The following BCAS3 variants were observed in gnomAD, a reference collection of about 807,000 sequenced individuals.
The protein encoded by BCAS3 is BCAS3 microtubule associated cell migration factor.
BCAS3 carries 53 observed loss-of-function variants against 116.1 expected under a neutral mutation model. The observed-to-expected ratio is 0.46, with a 90% confidence interval of 0.37 to 0.57. BCAS3 has a LOEUF of 0.57. BCAS3 is among the 20% of genes least tolerant of loss of function. The probability of loss-of-function intolerance (pLI) is 0.00; values close to 1 mark genes in which losing one functional copy is unlikely to be tolerated. For synonymous variants in BCAS3, 391 were observed against 408.2 expected, an observed-to-expected ratio of 0.96 and a Z score of 0.51; for missense variants, 917 against 1,165.4, an observed-to-expected ratio of 0.79 and a Z score of 3.10.
intron 7 of BCAS3, among the ~76,000 whole-genome samples, chr17:60,836,884 C>G (rs1222669963): frequency 6.6e-6 from 1 of 152,160 alleles, no homozygotes; most frequent in Non-Finnish European, 1.5e-5. Context: ...ATATGTTTCA[C>G]TTGCACCTCA....
chr17:60,710,142 A>G (rs2037673921), intron 5 of BCAS3, among the ~76,000 whole-genome samples: 1 of 152,020 alleles, frequency 6.6e-6, no homozygotes, highest in Non-Finnish European at 1.5e-5. Context: ...CTGTTGTGTG[A>G]TTCTTTTGCA....
chr17:61,005,797 TTTTTC>T (rs2064644615), intron 15 of BCAS3, among the ~76,000 whole-genome samples: 1 of 151,814 alleles, frequency 6.6e-6, no homozygotes, highest in African/African-American at 2.4e-5. Flanking sequence ...TTTTCTTTTT[TTTTTC>T]TTTTATTATT....
chr17:60,764,273 T>C (rs570053466), intron 6 of BCAS3, among the ~76,000 whole-genome samples: 1 of 152,268 alleles, frequency 6.6e-6, no homozygotes, highest in East Asian at 1.9e-4. Context: ...CTCTAGTTCT[T>C]TTAATTGTGA....
chr17:61,382,551 C>T (rs967062409), intron 23 of BCAS3, among the ~76,000 whole-genome samples: 9 of 151,722 alleles, frequency 5.9e-5, no homozygotes, highest in South Asian at 2.1e-4. Flanking sequence ...CGTGAGCCAC[C>T]GCGCCTGGCC....
At chr17:61,040,761 A>T in intron 18 of BCAS3, 31 bp from the exon 19 acceptor site, 2 of 1,548,696 alleles carry the variant, frequency 1.3e-6, no homozygotes, top group Non-Finnish European at 1.8e-6. Flanking sequence ...TATTAAGCTT[A>T]AATATTAATA....
At chr17:60,738,523 C>T (rs907036217) in intron 5 of BCAS3, among the ~76,000 whole-genome samples, 1 of 152,122 alleles carries the variant, frequency 6.6e-6, no homozygotes, top group African/African-American at 2.4e-5. Flanking sequence ...GCTGTGGTTG[C>T]CTTCTTTTGA....
chr17:60,758,987 T>C (rs1423952547), intron 6 of BCAS3, among the ~76,000 whole-genome samples: 1 of 152,104 alleles, frequency 6.6e-6, no homozygotes, highest in Admixed American at 6.6e-5. Flanking sequence ...GAAGATTTTT[T>C]TTTTTTTTTT....
At chr17:61,050,365 G>A (rs1641410866) in intron 19 of BCAS3, among the ~76,000 whole-genome samples, 1 of 151,858 alleles carries the variant, frequency 6.6e-6, no homozygotes, top group Non-Finnish European at 1.5e-5. Context: ...AGAAAAAAAT[G>A]GCATATTGTT....
intron 22 of BCAS3, among the ~76,000 whole-genome samples, chr17:61,271,424 A>ATTTTTTTTTTTTTTTTCTTTTTTT (rs71148400): frequency 1.4e-5 from 1 of 70,226 alleles, no homozygotes; most frequent in African/African-American, 5.6e-5. Context: ...CCATGCCCGG[A>ATTTTTTTTTTTTTTTTCTTTTTTT]TTTTTTTTTT....
chr17:60,818,746 G>C (rs1402236168), intron 7 of BCAS3, among the ~76,000 whole-genome samples: 1 of 152,124 alleles, frequency 6.6e-6, no homozygotes, highest in African/African-American at 2.4e-5. Flanking sequence ...CAGGCTTTCT[G>C]TGGGTACCTG....
chr17:60,823,744 C>T (rs919652238), intron 7 of BCAS3, among the ~76,000 whole-genome samples: 1 of 152,106 alleles, frequency 6.6e-6, no homozygotes, highest in African/African-American at 2.4e-5. Context: ...GTATGTAATA[C>T]ACTACATGGA....
chr17:61,199,874 C>G lies in BCAS3; in HGVS notation c.2425+115310C>G, dbSNP rs549271995. Reference sequence around the variant, plus strand: ...CTAGACATCCACCTTACTGCAGGGCCCTAGGGTCATAACCTCTTAACCTTA... The same window carrying G: ...CTAGACATCCACCTTACTGCAGGGCGCTAGGGTCATAACCTCTTAACCTTA... On this transcript the variant is annotated intron_variant, in intron 22 of 23. Coordinates refer to ENST00000407086, the MANE Select transcript of BCAS3 (RefSeq NM_017679.5). This position sits in a 1 kb window ranked among gnomAD's most constrained non-coding sequence, Gnocchi z 4.6. Among the ~76,000 whole-genome samples the G allele has an allele frequency of 9.2e-5, 14 of 152,182 alleles. No individual in the cohort carries two copies. The highest frequency in any genetic ancestry group is 3.4e-4 in the African/African-American group (14 of 41,506).
At chr17:61,115,679 G>A (rs1465748977) in intron 22 of BCAS3, among the ~76,000 whole-genome samples, 3 of 140,284 alleles carry the variant, frequency 2.1e-5, no homozygotes, top group Non-Finnish European at 4.7e-5. Context: ...GGAAGTCAGT[G>A]TGGCGATTCC....
chr17:61,258,726 A>G lies in BCAS3; in HGVS notation c.2426-109601A>G, dbSNP rs947247507. On this transcript the variant is annotated intron_variant, in intron 22 of 23. Transcript: ENST00000407086. This position sits in a 1 kb window ranked among gnomAD's most constrained non-coding sequence, Gnocchi z 4.7. ...AATTTTAGTAGACTCATTTGATATA[A>G]CAGGGACTGGTATACACCCTCTGTA... 2.0e-5 allele frequency among the ~76,000 whole-genome samples: 3 copies of G among 152,230 alleles called. No individual in the cohort carries two copies. Among genetic ancestry groups the G allele is most frequent in the Admixed American group, 6.5e-5 (1 of 15,284 alleles).
intron 22 of BCAS3, among the ~76,000 whole-genome samples, chr17:61,116,719 G>T (rs1393660970): frequency 1.3e-5 from 2 of 152,110 alleles, no homozygotes; most frequent in Non-Finnish European, 2.9e-5. Flanking sequence ...AAAATGGTTT[G>T]ATTTCCCCTT....
chr17:61,229,329 A>G lies in BCAS3; in HGVS notation c.2426-138998A>G, dbSNP rs1464200668. ...GAGGTTAAGGAAAGAAGCTATTTGC[A>G]TAATATAAAAGGGCAAGATGAAGCA... On this transcript the variant is annotated intron_variant, in intron 22 of 23. Coordinates refer to ENST00000407086, the MANE Select transcript of BCAS3 (RefSeq NM_017679.5). The surrounding 1 kb of genome is among the most constrained non-coding windows in gnomAD (Gnocchi z 4.4). Among the ~76,000 whole-genome samples, 3 of 152,266 alleles carry G rather than the reference A, an allele frequency of 2.0e-5. No individual in the cohort carries two copies. The highest frequency in any genetic ancestry group is 7.2e-5 in the African/African-American group (3 of 41,474).
chr17:61,010,614 C>G (rs2065047218), intron 15 of BCAS3, among the ~76,000 whole-genome samples: 1 of 151,298 alleles, frequency 6.6e-6, no homozygotes, highest in Non-Finnish European at 1.5e-5. Context: ...TAGCAGTAAA[C>G]AAAAAACTGA....
At chr17:60,786,801 GAC>G (rs2046324473) in intron 6 of BCAS3, among the ~76,000 whole-genome samples, 1 of 152,030 alleles carries the variant, frequency 6.6e-6, no homozygotes, top group African/African-American at 2.4e-5. Context: ...TCTCTGGAAA[GAC>G]CAGACTACAA....
chr17:60,980,107 C>T, intron 14 of BCAS3, among the ~76,000 whole-genome samples: 1 of 152,106 alleles, frequency 6.6e-6, no homozygotes, highest in African/African-American at 2.4e-5. Context: ...TAGAATTCGG[C>T]TGTGAATCCA....
Sources: gnomAD v4.1 joint callset for allele counts (sites outside exome capture counted in the v4.1 genomes callset) on GRCh38, gnomAD v4.1.1 for gene constraint, Gnocchi (gnomAD v3.1) non-coding constraint, MANE v1.5 for transcripts, NCBI Gene and HGNC (gene_info 2026-07-23, HGNC 2026-07-21) for gene names.